The following DSTN variants were observed in gnomAD, a reference collection of about 807,000 sequenced individuals.
DSTN encodes the protein destrin, actin depolymerizing factor.
Under a neutral mutation model 16.8 loss-of-function variants are expected in DSTN, and 10 were observed. The observed-to-expected ratio is 0.60, with a 90% CI of 0.37 to 1.01. DSTN has a LOEUF of 1.01. DSTN is among the 50% of genes least tolerant of loss of function. The probability of loss-of-function intolerance (pLI) is 0.01; values close to 1 mark genes in which losing one functional copy is unlikely to be tolerated. For synonymous variants in DSTN, 57 were observed against 58.9 expected (o/e 0.97, Z 0.14); for missense variants, 141 against 196.7 (o/e 0.72, Z 1.69).
At chr20:17,589,104 C>T (rs902632440) in intron 1 of DSTN, among the ~76,000 whole-genome samples, 1 of 152,130 alleles carries the variant, frequency 6.6e-6, no homozygotes, top group Non-Finnish European at 1.5e-5. Context: ...CATATTTCTT[C>T]TCTTCTTGTC....
chr20:17,606,800 A>G (rs527522219), intron 3 of DSTN, among the ~76,000 whole-genome samples: 4 of 152,346 alleles, frequency 2.6e-5, no homozygotes, highest in East Asian at 1.9e-4. Context: ...ACCTATATAT[A>G]TAATAGAATA....
intron 1 of DSTN, among the ~76,000 whole-genome samples, chr20:17,571,132 C>CT (rs769506863): frequency 3.9e-5 from 6 of 152,216 alleles, no homozygotes; most frequent in Non-Finnish European, 1.5e-5. Context: ...CACTGTCACT[C>CT]TAATTAGCTA....
chr20:17,583,349 A>G (rs977244270), intron 1 of DSTN, among the ~76,000 whole-genome samples: 2 of 152,204 alleles, frequency 1.3e-5, no homozygotes, highest in African/African-American at 4.8e-5. Flanking sequence ...CTACATATCC[A>G]AGCAAAATGA....
chr20:17,591,537 C>A (rs2035469530), intron 1 of DSTN, among the ~76,000 whole-genome samples: 1 of 152,126 alleles, frequency 6.6e-6, no homozygotes, highest in East Asian at 1.9e-4. Flanking sequence ...GCAAAGAAGC[C>A]CCTATAGCAA....
At position 17,574,621 on chromosome 20, in the gene DSTN, G is replaced by C. The variant is rs375089813; in HGVS notation, c.3+4410G>C. On this transcript the variant is annotated intron_variant, in intron 1 of 3. Transcript: ENST00000246069. ...CGTGCCTGTAATCCCAGCTACTCAG[G>C]AGGCTGAGGCAGGAGAATCGCTTAA... Among the ~76,000 whole-genome samples the C allele has an allele frequency of 1.1e-4, 16 of 151,262 alleles. No homozygotes were observed. The East Asian group carries it at 1.6e-3, about 15-fold the overall frequency.
chr20:17,602,527 A>G (rs867459342), intron 2 of DSTN, among the ~76,000 whole-genome samples: 65 of 152,334 alleles, frequency 4.3e-4, no homozygotes, highest in African/African-American at 1.4e-3. Context: ...ATAATAGAAG[A>G]AAAGGAAATT....
At chr20:17,606,897 C>T (rs181307753) in intron 3 of DSTN, 140 bp from the exon 4 acceptor site, 24 of 647,976 alleles carry the variant, frequency 3.7e-5, no homozygotes, top group Admixed American at 9.6e-5. Flanking sequence ...TATTTTTTCT[C>T]GTTACTGTGT....
intron 1 of DSTN, among the ~76,000 whole-genome samples, chr20:17,582,390 A>G (rs1410948965): frequency 6.6e-6 from 1 of 152,050 alleles, no homozygotes; most frequent in Non-Finnish European, 1.5e-5. Flanking sequence ...CGAAGTATAC[A>G]TTCTAATGGG....
At chr20:17,582,452 G>A (rs1389485886) in intron 1 of DSTN, among the ~76,000 whole-genome samples, 3 of 152,094 alleles carry the variant, frequency 2.0e-5, no homozygotes, top group Admixed American at 6.6e-5. Flanking sequence ...GATTTTATAC[G>A]TATTATGATG....
chr20:17,601,384 C>T lies in DSTN; in HGVS notation c.311+339C>T, dbSNP rs79882063. ...ATAAGCCAAAACCCTACTTTTCCAA[C>T]GAGCCATGCCAGGAACCAGCCTTCT... On this transcript the variant is annotated intron_variant, in intron 2 of 3. Transcript: ENST00000246069. 6.0e-4 allele frequency among the ~76,000 whole-genome samples: 90 copies of T among 151,224 alleles called. 1 individual carries two copies. The East Asian group carries it at 0.016, about 27-fold the overall frequency.
At chr20:17,577,975 C>T (rs1365712852) in intron 1 of DSTN, among the ~76,000 whole-genome samples, 2 of 152,208 alleles carry the variant, frequency 1.3e-5, no homozygotes, top group Non-Finnish European at 2.9e-5. Context: ...TACAGTTCCT[C>T]AGTCACACTA....
rs1258664868 is a variant in DSTN, at chr20:17,570,204, C to A, written c.-5C>A. 2.0e-6 allele frequency: 3 copies of A among 1,519,150 alleles called. No homozygotes were observed. Among genetic ancestry groups the A allele is most frequent in the Middle Eastern group, 2.2e-4 (1 of 4,562 alleles). 94.1% of individuals were successfully genotyped at this position (1,519,150 alleles called of 1,614,324 possible). ...CCCCGCGTCCCTGCGACCGCCGCGG[C>A]GAAGATGGTGAGTAGGAGGGAGGCC... On this transcript the variant is annotated 5_prime_UTR_variant, in exon 1 of 4. Coordinates refer to ENST00000246069, the MANE Select transcript of DSTN (RefSeq NM_006870.4).
intron 1 of DSTN, among the ~76,000 whole-genome samples, chr20:17,577,524 G>A (rs1019727430): frequency 2.6e-5 from 4 of 151,016 alleles, no homozygotes; most frequent in Admixed American, 6.6e-5. Context: ...CCGAGATCAC[G>A]CCACTGCACT....
Position 17,600,730 on chromosome 20 carries a change from C to T in DSTN, c.4-8C>T. The T allele has an allele frequency of 6.4e-7, 1 of 1,561,108 alleles. No homozygotes were observed. The highest frequency in any genetic ancestry group is 2.3e-5 in the East Asian group (1 of 44,062). On this transcript the variant is annotated splice_polypyrimidine_tract_variant and splice_region_variant and intron_variant, in intron 1 of 3. Transcript: ENST00000246069. ...TAAGTCTTTTTCTCATGTATTTTCT[C>T]ATCATAGGCCTCAGGAGTGCAAGTA...
intron 1 of DSTN, chr20:17,576,612 C>T (rs532230861): frequency 3.3e-5 from 5 of 152,288 alleles, no homozygotes; most frequent in African/African-American, 1.2e-4. Flanking sequence ...AGACTGAGAA[C>T]GTCTGTTGCA....
chr20:17,589,250 G>A (rs986611728), intron 1 of DSTN, among the ~76,000 whole-genome samples: 2 of 149,620 alleles, frequency 1.3e-5, no homozygotes, highest in African/African-American at 2.5e-5. Flanking sequence ...TTGCTGTGTC[G>A]CCCAGGCTGG....
chr20:17,574,640 C>T (rs1250559488), intron 1 of DSTN, among the ~76,000 whole-genome samples: 3 of 147,844 alleles, frequency 2.0e-5, no homozygotes, highest in South Asian at 2.1e-4. Flanking sequence ...GCAGGAGAAT[C>T]GCTTAAACCC....
chr20:17,587,639 T>C (rs1312044989), intron 1 of DSTN, among the ~76,000 whole-genome samples: 2 of 152,202 alleles, frequency 1.3e-5, no homozygotes, highest in Non-Finnish European at 1.5e-5. Context: ...ATTATTCTTT[T>C]TTTTTTCTTT....
intron 1 of DSTN, among the ~76,000 whole-genome samples, chr20:17,594,964 C>G (rs1180828863): frequency 6.6e-6 from 1 of 152,148 alleles, no homozygotes; most frequent in South Asian, 2.1e-4. Flanking sequence ...TTGAGACACA[C>G]AACTGGAGAT....
Sources: gnomAD v4.1 joint callset for allele counts (sites outside exome capture counted in the v4.1 genomes callset) on GRCh38, gnomAD v4.1.1 for gene constraint, MANE v1.5 for transcripts, NCBI Gene and HGNC (gene_info 2026-07-23, HGNC 2026-07-21) for gene names.